The following CACNA1A variants were observed in gnomAD, a reference collection of about 807,000 sequenced individuals.
CACNA1A encodes calcium voltage-gated channel subunit alpha1 A.
Under a neutral mutation model 262.4 loss-of-function variants are expected in CACNA1A, and 57 were observed. The ratio of observed to expected loss-of-function variants is 0.22; its 90% CI spans 0.18 to 0.27. CACNA1A has a LOEUF of 0.27. Among genes scored for constraint, CACNA1A ranks in the 10% least tolerant of loss-of-function variants. The pLI is 1.00. For synonymous variants in CACNA1A, 1,431 were observed against 1,419.3 expected (o/e 1.01, Z -0.18); for missense variants, 2,526 against 3,562.8 (o/e 0.71, Z 7.41).
chr19:13,349,897 C>G (rs2058875339), intron 6 of CACNA1A, among the ~76,000 whole-genome samples: 1 of 152,170 alleles, frequency 6.6e-6, no homozygotes, highest in South Asian at 2.1e-4. Flanking sequence ...CTTGATTCCA[C>G]AAGGCTACCC....
Position 13,214,529 on chromosome 19 carries a change from C to A in CACNA1A, c.5811G>T (p.Thr1937=). The A allele has an allele frequency of 6.2e-7, 1 of 1,613,716 alleles. No individual in the cohort carries two copies. Among genetic ancestry groups the A allele is most frequent in the Non-Finnish European group, 8.5e-7 (1 of 1,179,664 alleles). ...MAIWPNLSQK[T]LDLLVTPHKS... ...TGTGAGGTGTGACCAGCAGGTCTAG[C>A]GTCTTCTGGGACAGATTGGGCCAAA... The change falls in exon 39 of 47, where the codon ACG becomes ACT. Residue 1937 remains threonine, a synonymous_variant. Coordinates refer to ENST00000360228, the MANE Select transcript of CACNA1A (RefSeq NM_001127222.2). The surrounding 1 kb of genome is among the most constrained non-coding windows in gnomAD (Gnocchi z 4.1).
rs555121562 is a variant in CACNA1A, at chr19:13,294,607, C to T, written c.3089+3937G>A. On this transcript the variant is annotated intron_variant, in intron 19 of 46. Transcript: ENST00000360228. ...TCGCAGGACAATTCTTGTGCCTCAG[C>T]CTCCTGAGTAGCTGGGATTATAGGC... 1.7e-3 allele frequency among the ~76,000 whole-genome samples: 258 copies of T among 151,184 alleles called. 1 individual carries two copies. The highest frequency in any genetic ancestry group is 5.8e-3 in the African/African-American group (240 of 41,058).
At chr19:13,467,245 T>C (rs145633559) in intron 1 of CACNA1A, among the ~76,000 whole-genome samples, 9 of 152,206 alleles carry the variant, frequency 5.9e-5, no homozygotes, top group South Asian at 2.1e-4. Flanking sequence ...AATGACACAC[T>C]ACACATTTTT....
chr19:13,383,154 T>C (rs963541885), intron 3 of CACNA1A, among the ~76,000 whole-genome samples: 3 of 152,218 alleles, frequency 2.0e-5, no homozygotes, highest in African/African-American at 7.2e-5. Flanking sequence ...ATGTGCCAGA[T>C]ATTCAGAGAG....
chr19:13,257,600 AG>A, intron 27 of CACNA1A, 49 bp from the exon 28 acceptor site: 1 of 1,258,384 alleles, frequency 7.9e-7, no homozygotes, highest in Non-Finnish European at 1.1e-6. Flanking sequence ...GGAGAGAGAC[AG>A]GGACCCAAGG....
chr19:13,210,763 G>A (rs1256441901), intron 43 of CACNA1A, 111 bp from the exon 44 acceptor site: 1 of 1,099,650 alleles, frequency 9.1e-7, no homozygotes, highest in African/African-American at 1.6e-5. Flanking sequence ...AGCCAAGGAG[G>A]GGAGTGGCAC....
At chr19:13,480,957 G>A (rs1979222612) in intron 1 of CACNA1A, among the ~76,000 whole-genome samples, 1 of 152,068 alleles carries the variant, frequency 6.6e-6, no homozygotes, top group Non-Finnish European at 1.5e-5. Flanking sequence ...TGAGACCGTG[G>A]ACTCCGAATC....
At chr19:13,326,042 G>A (rs79341660) in intron 10 of CACNA1A, among the ~76,000 whole-genome samples, 17,601 of 152,096 alleles carry the variant, frequency 0.12, 1,179 homozygotes, top group East Asian at 0.24. Flanking sequence ...CCTGTCAGGC[G>A]CGGTGGCTAA....
intron 6 of CACNA1A, among the ~76,000 whole-genome samples, chr19:13,349,074 G>A (rs942391187): frequency 2.0e-5 from 3 of 151,584 alleles, no homozygotes; most frequent in Admixed American, 6.6e-5. Flanking sequence ...AGAGAGAGAC[G>A]GATGAAGGGT....
chr19:13,245,502 C>T, intron 30 of CACNA1A: 1 of 545,614 alleles, frequency 1.8e-6, no homozygotes, highest in Non-Finnish European at 3.3e-6. Flanking sequence ...GGCCTCCAGA[C>T]CCTGCTTCAG....
At chr19:13,411,686 C>G (rs550843339) in intron 3 of CACNA1A, among the ~76,000 whole-genome samples, 59 of 147,904 alleles carry the variant, frequency 4.0e-4, no homozygotes, top group African/African-American at 1.6e-3. Context: ...CTTTCTCTCT[C>G]TTTCTCCTTC....
chr19:13,282,561 G>A (rs748478243), intron 22 of CACNA1A, among the ~76,000 whole-genome samples: 1 of 152,092 alleles, frequency 6.6e-6, no homozygotes, highest in African/African-American at 2.4e-5. Context: ...CAGACAGTTG[G>A]GGGAAGCAGT....
At chr19:13,499,610 C>T (rs931451451) in intron 1 of CACNA1A, among the ~76,000 whole-genome samples, 7 of 152,216 alleles carry the variant, frequency 4.6e-5, no homozygotes, top group East Asian at 3.9e-4. Context: ...TTTTCACGCA[C>T]GACCCCATTT....
chr19:13,246,620 CCTCT>C (rs781119653), intron 30 of CACNA1A, among the ~76,000 whole-genome samples: 4 of 149,274 alleles, frequency 2.7e-5, no homozygotes, highest in Non-Finnish European at 5.9e-5. Flanking sequence ...ACAAGCATAA[CCTCT>C]CTGTTTGTTT....
rs1030165715 is a variant in CACNA1A at position 13,206,577 on chromosome 19, T to TTTC, written c.*733_*735dup. 2 of 153,996 alleles carry TTTC rather than the reference T, an allele frequency of 1.3e-5. No homozygotes were observed. Among genetic ancestry groups the TTTC allele is most frequent in the Non-Finnish European group, 2.9e-5 (2 of 68,206 alleles). 9.5% of individuals were successfully genotyped at this position (153,996 alleles called of 1,614,324 possible). The stretch of plus-strand genomic sequence containing the variant: ...AAGGAATCGGTGGTGATGGTGGGTT[T>TTTC]TTCTTCTTCTTTTGTTGTTTCAAGC... On this transcript the variant is annotated 3_prime_UTR_variant, in exon 47 of 47. Coordinates refer to ENST00000360228, the MANE Select transcript of CACNA1A (RefSeq NM_001127222.2).
chr19:13,209,589 G>A (rs2054726993), intron 44 of CACNA1A, 91 bp from the exon 45 acceptor site: 1 of 1,011,362 alleles, frequency 9.9e-7, no homozygotes. Flanking sequence ...GCCTGGTGGT[G>A]GCCTTCGGTG....
intron 10 of CACNA1A, among the ~76,000 whole-genome samples, chr19:13,317,807 A>G (rs1225975646): frequency 1.3e-5 from 2 of 152,184 alleles, no homozygotes; most frequent in East Asian, 1.9e-4. Context: ...CTGCCTACAT[A>G]TAGTTTTGCT....
intron 3 of CACNA1A, among the ~76,000 whole-genome samples, chr19:13,424,294 G>A (rs946924327): frequency 2.0e-5 from 3 of 152,100 alleles, no homozygotes; most frequent in African/African-American, 7.2e-5. Flanking sequence ...ACCTGAACCT[G>A]GGAGGTGGAA....
Position 13,308,053 on chromosome 19 carries a change from G to A in CACNA1A, c.1913+67C>T. On this transcript the variant is annotated intron_variant, in intron 14 of 46. Coordinates refer to ENST00000360228, the MANE Select transcript of CACNA1A (RefSeq NM_001127222.2). This position sits in a 1 kb window ranked among gnomAD's most constrained non-coding sequence, Gnocchi z 4.2. ...CGAGGAAGGCAGCCTGCACGGTGGA[G>A]GGGACTGTGTGTTCCCTGAGCCTGA... is the stretch of plus-strand genomic sequence containing the variant. 11 of 1,592,866 alleles carry A rather than the reference G, an allele frequency of 6.9e-6. No individual in the cohort carries two copies. Among genetic ancestry groups the A allele is most frequent in the Non-Finnish European group, 9.4e-6 (11 of 1,166,028 alleles).
Sources: gnomAD v4.1 joint callset for allele counts (sites outside exome capture counted in the v4.1 genomes callset) on GRCh38, gnomAD v4.1.1 for gene constraint, Gnocchi (gnomAD v3.1) non-coding constraint, MANE v1.5 for transcripts, NCBI Gene and HGNC (gene_info 2026-07-23, HGNC 2026-07-21) for gene names.